The following NAT10 variants were observed in gnomAD, a reference collection of about 807,000 sequenced individuals.
NAT10 encodes RNA cytidine acetyltransferase.
In NAT10, 109 loss-of-function variants were observed where a neutral mutation model predicts 132.2. The observed-to-expected ratio is 0.82, with a 90% CI of 0.71 to 0.97. The LOEUF (loss-of-function observed/expected upper bound fraction) is 0.97, where lower values mean the gene tolerates loss of function less well. Ranked by LOEUF, NAT10 falls within the 50% of genes least tolerant of loss-of-function variation. The pLI is 0.00. For synonymous variants in NAT10, 479 were observed against 478.0 expected (o/e 1.00, Z -0.03); for missense variants, 1,184 against 1,263.4 (o/e 0.94, Z 0.95).
At chr11:34,142,427 A>G in intron 27 of NAT10, 79 bp downstream of exon 27, 1 of 1,242,316 alleles carries the variant, frequency 8.0e-7, no homozygotes, top group Admixed American at 1.9e-5. Flanking sequence ...TTCTAATCAT[A>G]TCCCACGTGC....
At chr11:34,121,059 G>A (rs908520504) in intron 8 of NAT10, among the ~76,000 whole-genome samples, 3 of 152,202 alleles carry the variant, frequency 2.0e-5, no homozygotes, top group African/African-American at 7.2e-5. Context: ...AGGGGTGGAG[G>A]AGGAGATTTT....
At chr11:34,130,030 A>C (rs575409714) in intron 12 of NAT10, among the ~76,000 whole-genome samples, 1 of 151,870 alleles carries the variant, frequency 6.6e-6, no homozygotes, top group South Asian at 2.1e-4. Context: ...TGTGGTGTGG[A>C]GAGTGGGCAT....
chr11:34,106,356 C>T (rs754966423), intron 1 of NAT10, among the ~76,000 whole-genome samples: 1 of 152,008 alleles, frequency 6.6e-6, no homozygotes, highest in Non-Finnish European at 1.5e-5. Flanking sequence ...CCAGGCCTTC[C>T]ATGACAGCTT....
At chr11:34,118,364 G>T in intron 7 of NAT10, 32 bp from the exon 8 acceptor site, 1 of 1,611,724 alleles carries the variant, frequency 6.2e-7, no homozygotes, top group South Asian at 1.1e-5. Context: ...CTGTGACAGT[G>T]ACAGACCTTC....
chr11:34,131,366 G>A lies in NAT10; in HGVS notation c.1370-15G>A. The stretch of plus-strand genomic sequence containing the variant: ...TCATTGTTTCTTCTTTTGTGTGTGT[G>A]ATTGTGGGGAGCAGCGCGGACACTG... On this transcript the variant is annotated splice_polypyrimidine_tract_variant and intron_variant, in intron 13 of 28. Transcript: ENST00000257829. 6.3e-7 allele frequency: 1 copy of A among 1,595,466 alleles called. No individual in the cohort carries two copies. The highest frequency in any genetic ancestry group is 8.5e-7 in the Non-Finnish European group (1 of 1,170,388).
At chr11:34,141,939 C>T in intron 26 of NAT10, 122 bp downstream of exon 26, 1 of 826,914 alleles carries the variant, frequency 1.2e-6, no homozygotes, top group Non-Finnish European at 1.9e-6. Flanking sequence ...GAGCTAAGTG[C>T]TATTCTGTAG....
At position 34,115,812 on chromosome 11, in the gene NAT10, T is replaced by G. The variant is rs759500960; in HGVS notation, c.496-11T>G. On this transcript the variant is annotated splice_polypyrimidine_tract_variant and intron_variant, in intron 5 of 28. Transcript: ENST00000257829. ...ATGCCTTTGTTAATGGATGTTGTCT[T>G]TCTTTGTTAGGATGTGCATTCCAGG... The G allele has an allele frequency of 1.2e-6, 2 of 1,613,898 alleles. No individual in the cohort carries two copies. Among genetic ancestry groups the G allele is most frequent in the Non-Finnish European group, 1.7e-6 (2 of 1,179,896 alleles).
chr11:34,115,986 T>G (rs1166100643), intron 6 of NAT10, 102 bp downstream of exon 6: 1 of 1,032,678 alleles, frequency 9.7e-7, no homozygotes, highest in African/African-American at 1.6e-5. Context: ...GGGAAAGTAG[T>G]ACAATATTCC....
At chr11:34,125,944 G>A (rs1405933552) in intron 11 of NAT10, among the ~76,000 whole-genome samples, 1 of 152,190 alleles carries the variant, frequency 6.6e-6, no homozygotes, top group Non-Finnish European at 1.5e-5. Context: ...TCACACCACT[G>A]CACTCCAGCC....
intron 21 of NAT10, among the ~76,000 whole-genome samples, chr11:34,137,930 T>C (rs917000870): frequency 6.6e-6 from 1 of 152,058 alleles, no homozygotes; most frequent in Non-Finnish European, 1.5e-5. Flanking sequence ...GTGAGCTGCA[T>C]TGAAGCAGCT....
intron 12 of NAT10, 127 bp from the exon 13 acceptor site, chr11:34,130,686 T>A (rs1417088259): frequency 3.3e-6 from 4 of 1,225,672 alleles, no homozygotes; most frequent in Non-Finnish European, 4.6e-6. Flanking sequence ...AGTTCAGAGA[T>A]GAGCAAGGCT....
chr11:34,144,489 C>A (rs187599241), intron 28 of NAT10, among the ~76,000 whole-genome samples: 253 of 152,240 alleles, frequency 1.7e-3, no homozygotes, highest in African/African-American at 6.0e-3. Flanking sequence ...TCTTCACTGA[C>A]ACTATTTTGC....
intron 12 of NAT10, 37 bp downstream of exon 12, chr11:34,127,636 C>G (rs771257927): frequency 6.3e-7 from 1 of 1,576,616 alleles, no homozygotes; most frequent in Non-Finnish European, 8.7e-7. Flanking sequence ...ACTCCCGTGG[C>G]AGGCTCTTGC....
In NAT10 at chr11:34,122,568, C is replaced by G; in HGVS notation, c.890C>G (p.Ala297Gly). 6.2e-7 allele frequency: 1 copy of G among 1,614,104 alleles called. No homozygotes were observed. The highest frequency in any genetic ancestry group is 8.5e-7 in the Non-Finnish European group (1 of 1,180,018). The change falls in exon 9 of 29, where the codon GCG (alanine) becomes GGG (glycine). Residue 297 changes from alanine to glycine, a missense_variant. Transcript: ENST00000257829. ...GGAAAATCTGCAGCCCTGGGATTGG[C>G]GATTGCTGGGGCGGTGGCATTTGGG... ...GRGKSAALGL[A>G]IAGAVAFGYS...
chr11:34,136,091 T>C (rs1852207410), intron 19 of NAT10, among the ~76,000 whole-genome samples: 1 of 151,988 alleles, frequency 6.6e-6, no homozygotes, highest in Non-Finnish European at 1.5e-5. Context: ...GGCATTTTTT[T>C]TTTTTTTTGA....
chr11:34,141,232 G>T, intron 25 of NAT10, 24 bp downstream of exon 25: 1 of 1,613,484 alleles, frequency 6.2e-7, no homozygotes, highest in African/African-American at 1.3e-5. Flanking sequence ...GAGGGCAGGG[G>T]CTTGATGTCT....
At chr11:34,106,038 T>A (rs1851589418) in intron 1 of NAT10, 2 of 152,528 alleles carry the variant, frequency 1.3e-5, no homozygotes, top group South Asian at 4.1e-4. Context: ...TAACCACCTC[T>A]AAGTAGTGCC....
At chr11:34,109,320 A>G (rs1851652770) in intron 3 of NAT10, among the ~76,000 whole-genome samples, 1 of 152,114 alleles carries the variant, frequency 6.6e-6, no homozygotes, top group African/African-American at 2.4e-5. Context: ...TCCTGTAAAC[A>G]TGCTCAGATT....
rs746975254 is a variant in NAT10 at position 34,118,309 on chromosome 11, G to A, written c.672+15G>A. 13 of 1,612,956 alleles carry A rather than the reference G, an allele frequency of 8.1e-6. No individual in the cohort carries two copies. The East Asian group carries it at 2.9e-4, about 36-fold the overall frequency. On this transcript the variant is annotated intron_variant, in intron 7 of 28. Transcript: ENST00000257829. Reference sequence around the variant, plus strand: ...CCCAGACTCCGGTGAGTCTGTGCTGGGGTCCAGGAATCTGGGGGAGGCTAC... The same window carrying A: ...CCCAGACTCCGGTGAGTCTGTGCTGAGGTCCAGGAATCTGGGGGAGGCTAC...
Sources: gnomAD v4.1 joint callset for allele counts (sites outside exome capture counted in the v4.1 genomes callset) on GRCh38, gnomAD v4.1.1 for gene constraint, MANE v1.5 for transcripts, NCBI Gene and HGNC (gene_info 2026-07-23, HGNC 2026-07-21) for gene names.